DNA2: variants seen among roughly 807,000 people sequenced by gnomAD.
DNA2 encodes the protein DNA replication ATP-dependent helicase/nuclease DNA2.
Under a neutral mutation model 119.1 loss-of-function variants are expected in DNA2, and 101 were observed. The ratio of observed to expected loss-of-function variants is 0.85; its 90% CI spans 0.72 to 1.00. The LOEUF (loss-of-function observed/expected upper bound fraction) is 1.00. Among genes scored for constraint, DNA2 ranks in the 50% least tolerant of loss-of-function variants. The pLI is 0.00. For missense variants in DNA2, 1,121 were observed against 1,255.5 expected, an observed-to-expected ratio of 0.89 and a Z score of 1.62; for synonymous variants, 366 against 424.4, an observed-to-expected ratio of 0.86 and a Z score of 1.69.
upstream of DNA2, chr10:68,472,222 G>C (rs1254720653): frequency 1.6e-6 from 2 of 1,222,918 alleles, no homozygotes. Context: ...AGCCTCCCAA[G>C]TAGCTGGGAC....
intron 14 of DNA2, among the ~76,000 whole-genome samples, chr10:68,429,711 C>CAAAAAAAA (rs1165329779): frequency 5.0e-5 from 2 of 40,392 alleles, no homozygotes; most frequent in African/African-American, 9.1e-5. Context: ...GACTCCATCT[C>CAAAAAAAA]AAAAAAAAAA....
chr10:68,436,818 A>C, intron 10 of DNA2, 193 bp downstream of exon 10: 1 of 476,550 alleles, frequency 2.1e-6, no homozygotes, highest in Non-Finnish European at 3.7e-6. Context: ...GTGACTACTA[A>C]AGGGTATAGG....
chr10:68,422,985 G>A (rs1481655214), intron 14 of DNA2, 95 bp from the exon 15 acceptor site: 6 of 886,280 alleles, frequency 6.8e-6, no homozygotes, highest in Non-Finnish European at 1.0e-5. Flanking sequence ...AAAGGTTTTT[G>A]TTCTATGGCA....
At chr10:68,433,444 G>A (rs1274254598) in intron 10 of DNA2, among the ~76,000 whole-genome samples, 2 of 152,274 alleles carry the variant, frequency 1.3e-5, no homozygotes, top group African/African-American at 4.8e-5. Context: ...AATGTAGCCA[G>A]AGGAAAATGC....
chr10:68,471,467 A>G (rs1036445420), intron 1 of DNA2, among the ~76,000 whole-genome samples: 1 of 152,228 alleles, frequency 6.6e-6, no homozygotes, highest in Non-Finnish European at 1.5e-5. Flanking sequence ...CCAACTAAAC[A>G]TCGAGAAAAG....
chr10:68,417,394 A>AG (rs1277210596), intron 19 of DNA2, among the ~76,000 whole-genome samples: 1 of 133,964 alleles, frequency 7.5e-6, no homozygotes, highest in African/African-American at 2.8e-5. Context: ...AGAAAACCAA[A>AG]AAAAAAAAAA....
intron 14 of DNA2, chr10:68,424,533 G>C: frequency 1.3e-6 from 1 of 744,194 alleles, no homozygotes; most frequent in South Asian, 1.4e-5. Context: ...AAACAGGCCT[G>C]AGGCCGCCGC....
chr10:68,447,441 C>T (rs1479828294), intron 6 of DNA2, among the ~76,000 whole-genome samples: 1 of 144,746 alleles, frequency 6.9e-6, no homozygotes, highest in Admixed American at 7.2e-5. Flanking sequence ...TGCTTGAACC[C>T]GGGAGGTGGA....
intron 6 of DNA2, among the ~76,000 whole-genome samples, chr10:68,448,932 GGTGTGTGT>G (rs776191186): frequency 1.2e-4 from 17 of 142,200 alleles, no homozygotes; most frequent in East Asian, 8.6e-4. Flanking sequence ...CACCACACCA[GGTGTGTGT>G]GTGTGTGTGT....
In DNA2 at chr10:68,438,040, C is replaced by T. The variant is rs80255422; in HGVS notation, c.1416-799G>A. ...TACTAGTTTTAAATGAATTGCTCAACAATAGTCTTGCAAGAAAGTGCTAGG... is the reference window on the plus strand; with the variant it reads ...TACTAGTTTTAAATGAATTGCTCAATAATAGTCTTGCAAGAAAGTGCTAGG... On this transcript the variant is annotated intron_variant, in intron 9 of 20. Coordinates refer to ENST00000358410, the MANE Select transcript of DNA2 (RefSeq NM_001080449.3). Among the ~76,000 whole-genome samples the T allele has an allele frequency of 7.9e-5, 12 of 152,212 alleles. No homozygotes were observed. The East Asian group carries it at 2.3e-3, about 29-fold the overall frequency.
intron 5 of DNA2, among the ~76,000 whole-genome samples, chr10:68,454,656 A>G (rs2052160959): frequency 1.3e-5 from 2 of 151,866 alleles, no homozygotes; most frequent in South Asian, 4.2e-4. Context: ...AAATGCAAAA[A>G]TTAGCCAGGC....
intron 14 of DNA2, chr10:68,424,740 C>T: frequency 6.4e-7 from 1 of 1,550,864 alleles, no homozygotes; most frequent in Non-Finnish European, 8.9e-7. Flanking sequence ...AGTTCAAGGA[C>T]ACTACAAAGG....
rs1251968340 is a variant in DNA2, at chr10:68,459,156, C to A, written c.667G>T (p.Asp223Tyr). ...GTCGAAGTGTTTTTATGCATGAAAT[C>A]TCCTGCCCATTTACAAAACGAAGGA... ...YLPSFCKWAG[D>Y]FMHKNTSTDF... The change falls in exon 5 of 21, where the codon GAT (aspartate) becomes TAT (tyrosine). Residue 223 changes from aspartate (D) to tyrosine (Y), a missense_variant. By Grantham distance (160) the Asp-to-Tyr change is radical (BLOSUM62 -3). Transcript: ENST00000358410. 1.3e-6 allele frequency: 2 copies of A among 1,596,136 alleles called. No homozygotes were observed. The highest frequency in any genetic ancestry group is 1.1e-5 in the South Asian group (1 of 88,094).
At chr10:68,425,181 G>A (rs10998155) in intron 14 of DNA2, among the ~76,000 whole-genome samples, 10,342 of 133,478 alleles carry the variant, frequency 0.077, 534 homozygotes, top group African/African-American at 0.16. Flanking sequence ...TGCAACCTCC[G>A]CCTCCCAGGT....
Position 68,450,264 on chromosome 10 carries a change from C to T in DNA2, c.720-17G>A. On this transcript the variant is annotated splice_polypyrimidine_tract_variant and intron_variant, in intron 5 of 20. Coordinates refer to ENST00000358410, the MANE Select transcript of DNA2 (RefSeq NM_001080449.3). ...TCACTTGGCCTGAAAAAAAAAAAAG[C>T]ACAAAAACACTTAATTAGAACTCTT... is the stretch of plus-strand genomic sequence containing the variant. The T allele has an allele frequency of 7.2e-7, 1 of 1,397,822 alleles. No individual in the cohort carries two copies. The highest frequency in any genetic ancestry group is 9.9e-7 in the Non-Finnish European group (1 of 1,013,282). The allele number at this position is 1,397,822 out of a possible 1,614,324, so 86.6% of individuals were successfully genotyped here.
At chr10:68,437,579 G>A (rs1180286831) in intron 9 of DNA2, among the ~76,000 whole-genome samples, 1 of 152,036 alleles carries the variant, frequency 6.6e-6, no homozygotes, top group Non-Finnish European at 1.5e-5. Flanking sequence ...GAACCCGGGA[G>A]GTGAAAGTTG....
At chr10:68,469,930 C>A in intron 2 of DNA2, 51 bp downstream of exon 2, 7 of 1,519,530 alleles carry the variant, frequency 4.6e-6, no homozygotes, top group Non-Finnish European at 5.3e-6. Flanking sequence ...ATGAGTTTTA[C>A]GACAGTACCC....
chr10:68,425,002 A>C lies in DNA2; in HGVS notation c.2209-2112T>G, dbSNP rs1012557081. 5.4e-6 allele frequency: 3 copies of C among 550,464 alleles called. No homozygotes were observed. The African/African-American group carries it at 5.7e-5, about 11-fold the overall frequency. The allele number at this position is 550,464 out of a possible 1,614,324, so 34.1% of individuals were successfully genotyped here. ...ATTGAGAAAATGCAGGAATAAATAT[A>C]ACCTGTTGTGCAACCATGGTTTAAC... On this transcript the variant is annotated intron_variant, in intron 14 of 20. Transcript: ENST00000358410.
intron 5 of DNA2, among the ~76,000 whole-genome samples, chr10:68,456,259 C>A (rs555133989): frequency 1.2e-4 from 18 of 152,140 alleles, no homozygotes; most frequent in African/African-American, 4.1e-4. Flanking sequence ...GAGATCAAGG[C>A]AGAAACTAGC....
Sources: gnomAD v4.1 joint callset for allele counts (sites outside exome capture counted in the v4.1 genomes callset) on GRCh38, gnomAD v4.1.1 for gene constraint, MANE v1.5 for transcripts, NCBI Gene and HGNC (gene_info 2026-07-23, HGNC 2026-07-21) for gene names.